The following EIF4G3 variants were observed in gnomAD, a reference collection of about 807,000 sequenced individuals.
EIF4G3 encodes eukaryotic translation initiation factor 4 gamma 3.
In EIF4G3, 34 loss-of-function variants were observed where a neutral mutation model predicts 186.4. That is an observed-to-expected ratio of 0.18 (90% CI 0.14 to 0.24). The LOEUF is 0.24. Ranked by LOEUF, EIF4G3 falls within the 10% of genes least tolerant of loss-of-function variation. The pLI is 1.00. For missense variants in EIF4G3, 1,536 were observed against 1,948.5 expected (o/e 0.79, Z 3.99); for synonymous variants, 673 against 679.5 (o/e 0.99, Z 0.15).
At chr1:20,959,461 C>A (rs1558441330) in intron 12 of EIF4G3, among the ~76,000 whole-genome samples, 2 of 151,960 alleles carry the variant, frequency 1.3e-5, no homozygotes, top group Admixed American at 1.3e-4. Flanking sequence ...AAAAACTCTT[C>A]TAGACATCAG....
intron 2 of EIF4G3, among the ~76,000 whole-genome samples, chr1:21,098,561 A>AG (rs1337112774): frequency 9.0e-4 from 65 of 72,528 alleles, no homozygotes; most frequent in Admixed American, 2.2e-3. Flanking sequence ...AAAAAAAAAA[A>AG]AAGAAGAAGA....
chr1:20,952,999 T>C (rs1489090014), intron 12 of EIF4G3, among the ~76,000 whole-genome samples: 6 of 152,160 alleles, frequency 3.9e-5, no homozygotes, highest in African/African-American at 1.4e-4. Context: ...ACACAAAACA[T>C]CACATCCAAT....
chr1:21,077,286 A>C (rs2100636074), intron 3 of EIF4G3, among the ~76,000 whole-genome samples: 1 of 152,080 alleles, frequency 6.6e-6, no homozygotes, highest in Non-Finnish European at 1.5e-5. Flanking sequence ...TTGTAGTCCC[A>C]GCTACTCAGG....
In EIF4G3 at chr1:20,973,103, A is replaced by C; in HGVS notation, c.494-4T>G. The stretch of plus-strand genomic sequence containing the variant: ...TGACTTGGGTAAAAAGGCGTTCCTA[A>C]AAAGTTGGAAAAAATTAAATAGGCA... On this transcript the variant is annotated splice_region_variant and splice_polypyrimidine_tract_variant and intron_variant, in intron 10 of 36. Coordinates refer to ENST00000602326, the MANE Select transcript of EIF4G3 (RefSeq NM_001391906.1). The C allele has an allele frequency of 6.2e-7, 1 of 1,605,726 alleles. No individual in the cohort carries two copies. The highest frequency in any genetic ancestry group is 1.1e-5 in the South Asian group (1 of 89,036).
At chr1:20,884,640 A>T (rs1333990885) in intron 19 of EIF4G3, among the ~76,000 whole-genome samples, 2 of 152,176 alleles carry the variant, frequency 1.3e-5, no homozygotes. Flanking sequence ...GAATTATCTC[A>T]GCAATGTGAT....
chr1:21,073,302 T>C (rs1399337996), intron 3 of EIF4G3, among the ~76,000 whole-genome samples: 1 of 152,172 alleles, frequency 6.6e-6, no homozygotes, highest in Non-Finnish European at 1.5e-5. Context: ...TAGAAGGGCA[T>C]TTTCAAACGC....
chr1:20,876,697 A>G (rs1403836827), intron 20 of EIF4G3, among the ~76,000 whole-genome samples: 1 of 152,114 alleles, frequency 6.6e-6, no homozygotes, highest in East Asian at 1.9e-4. Flanking sequence ...GTTATCTTAT[A>G]ATTTAAAATA....
intron 1 of EIF4G3, among the ~76,000 whole-genome samples, 155 bp downstream of exon 1, chr1:21,176,567 A>ACGCCGCCGCCGCCGCCGCCGCCGCCTC (rs1221801405): frequency 8.7e-6 from 1 of 115,244 alleles, no homozygotes; most frequent in African/African-American, 3.3e-5. Flanking sequence ...CACACGCCCG[A>ACGCCGCCGCCGCCGCCGCCGCCGCCTC]CGCCGCCGCC....
At chr1:20,825,899 A>G (rs2063490072) in intron 32 of EIF4G3, among the ~76,000 whole-genome samples, 1 of 152,216 alleles carries the variant, frequency 6.6e-6, no homozygotes, top group South Asian at 2.1e-4. Context: ...AGGTAGAAAA[A>G]AGTGAAGAGG....
chr1:21,089,650 A>C lies in EIF4G3; in HGVS notation c.-271-437T>G, dbSNP rs970920574. ...GACCTCATCTCTACTAAATTAGCCG[A>C]GTGTGGTTGCCAGCACCTGTAGTCT... On this transcript the variant is annotated intron_variant, in intron 2 of 36. Coordinates refer to ENST00000602326, the MANE Select transcript of EIF4G3 (RefSeq NM_001391906.1). Among the ~76,000 whole-genome samples the C allele has an allele frequency of 3.3e-5, 5 of 151,428 alleles. 1 individual carries two copies. The highest frequency in any genetic ancestry group is 6.6e-5 in the Admixed American group (1 of 15,142).
chr1:21,015,250 A>G (rs180996022), intron 4 of EIF4G3, among the ~76,000 whole-genome samples: 1 of 152,260 alleles, frequency 6.6e-6, no homozygotes, highest in Non-Finnish European at 1.5e-5. Context: ...TAAAAAGAAT[A>G]AAGAAAAGGT....
chr1:21,031,447 G>C (rs574826736), intron 4 of EIF4G3, among the ~76,000 whole-genome samples: 1 of 150,392 alleles, frequency 6.6e-6, no homozygotes, highest in East Asian at 1.9e-4. Context: ...AAGGGTTGCA[G>C]GCAAACAACC....
intron 7 of EIF4G3, among the ~76,000 whole-genome samples, chr1:20,985,448 C>G (rs1171525969): frequency 6.6e-6 from 1 of 150,618 alleles, no homozygotes; most frequent in Non-Finnish European, 1.5e-5. Context: ...CTTAAAAGTA[C>G]AGGATCACTT....
intron 2 of EIF4G3, among the ~76,000 whole-genome samples, chr1:21,157,138 G>C (rs995591647): frequency 5.3e-5 from 8 of 152,128 alleles, no homozygotes; most frequent in Admixed American, 2.6e-4. Flanking sequence ...CACATTTGCT[G>C]CTTTCTATTT....
At chr1:20,981,265 TAACACAGGGGAATATATAAA>T in intron 8 of EIF4G3, 38 bp from the exon 9 acceptor site, 7 of 1,303,292 alleles carry the variant, frequency 5.4e-6, no homozygotes, top group Non-Finnish European at 7.4e-6. Flanking sequence ...TTTTTTTTTT[TAACACAGGGGAATATATAAA>T]TTTTACTGTC....
At chr1:21,098,022 C>G (rs1455192938) in intron 2 of EIF4G3, among the ~76,000 whole-genome samples, 3 of 152,110 alleles carry the variant, frequency 2.0e-5, no homozygotes, top group African/African-American at 7.2e-5. Context: ...GGGAGGATCA[C>G]TTGAGTCCAG....
intron 18 of EIF4G3, among the ~76,000 whole-genome samples, chr1:20,889,310 A>C (rs2154555274): frequency 6.6e-6 from 1 of 152,228 alleles, no homozygotes; most frequent in African/African-American, 2.4e-5. Context: ...GAAAGACTTT[A>C]CTCCTAGGAT....
intron 33 of EIF4G3, among the ~76,000 whole-genome samples, chr1:20,817,765 C>T (rs1372976465): frequency 3.4e-5 from 5 of 146,492 alleles, no homozygotes; most frequent in Non-Finnish European, 6.0e-5. Flanking sequence ...ACTTCCACAT[C>T]ACGGGCTCAA....
chr1:20,874,771 T>C (rs1277697850), intron 20 of EIF4G3, among the ~76,000 whole-genome samples: 3 of 152,234 alleles, frequency 2.0e-5, no homozygotes, highest in African/African-American at 7.2e-5. Flanking sequence ...TAAAGAAATC[T>C]TTCCCTACTC....
Sources: allele counts gnomAD v4.1 joint callset (sites outside exome capture counted in the v4.1 genomes callset), GRCh38; gene constraint gnomAD v4.1.1; transcripts MANE v1.5; gene names NCBI Gene and HGNC (gene_info 2026-07-23, HGNC 2026-07-21).